Variants in PITPNC1 observed in about 807,000 individuals in gnomAD.
PITPNC1 encodes phosphatidylinositol transfer protein cytoplasmic 1, also known as cytoplasmic phosphatidylinositol transfer protein 1.
PITPNC1 carries 18 observed loss-of-function variants against 44.7 expected under a neutral mutation model. That is an observed-to-expected ratio of 0.40 (90% CI 0.28 to 0.60). The LOEUF is 0.60. Among genes scored for constraint, PITPNC1 ranks in the 20% least tolerant of loss-of-function variants. The pLI is 0.39. For synonymous variants in PITPNC1, 141 were observed against 149.6 expected, an observed-to-expected ratio of 0.94 and a Z score of 0.42; for missense variants, 290 against 418.4, an observed-to-expected ratio of 0.69 and a Z score of 2.68.
chr17:67,378,356 G>A (rs1159429888), intron 1 of PITPNC1, among the ~76,000 whole-genome samples, 154 bp downstream of exon 1: 2 of 152,136 alleles, frequency 1.3e-5, no homozygotes, highest in East Asian at 1.9e-4. Context: ...GGGGATTTGC[G>A]GCTTCCACTT....
chr17:67,523,699 G>A (rs116731391), intron 1 of PITPNC1, among the ~76,000 whole-genome samples: 3 of 151,312 alleles, frequency 2.0e-5, no homozygotes, highest in South Asian at 2.1e-4. Context: ...CAATTATCAC[G>A]TCTCTGGAGG....
intron 2 of PITPNC1, among the ~76,000 whole-genome samples, chr17:67,534,447 G>A (rs765992830): frequency 7.9e-5 from 12 of 152,014 alleles, no homozygotes; most frequent in Non-Finnish European, 1.5e-4. Flanking sequence ...AAACCAGCCT[G>A]GGTAACATGG....
intron 1 of PITPNC1, among the ~76,000 whole-genome samples, chr17:67,391,007 A>G (rs952484125): frequency 6.6e-6 from 1 of 152,074 alleles, no homozygotes; most frequent in Non-Finnish European, 1.5e-5. Context: ...TCATGTATCT[A>G]AACATGTAGC....
chr17:67,419,033 G>T (rs916858044), intron 1 of PITPNC1, among the ~76,000 whole-genome samples: 4 of 152,168 alleles, frequency 2.6e-5, no homozygotes, highest in Admixed American at 6.5e-5. Context: ...GCTACCACTG[G>T]TTACTTTTAT....
At chr17:67,637,985 T>C (rs904984087) in intron 6 of PITPNC1, 1 of 151,798 alleles carries the variant, frequency 6.6e-6, no homozygotes, top group African/African-American at 2.4e-5. Context: ...GTTTGCACCA[T>C]GTCACATGTA....
At chr17:67,578,968 C>T (rs183091825) in intron 5 of PITPNC1, among the ~76,000 whole-genome samples, 8 of 152,130 alleles carry the variant, frequency 5.3e-5, no homozygotes, top group Admixed American at 2.0e-4. Flanking sequence ...GGCCACAGAG[C>T]GAGACTCCAT....
intron 1 of PITPNC1, among the ~76,000 whole-genome samples, chr17:67,460,590 T>A (rs999667868): frequency 2.2e-4 from 34 of 151,820 alleles, no homozygotes; most frequent in African/African-American, 7.5e-4. Flanking sequence ...AATTTTTGTA[T>A]TTTTAGTAGA....
chr17:67,543,016 G>A (rs2040629947), intron 2 of PITPNC1, among the ~76,000 whole-genome samples: 2 of 152,176 alleles, frequency 1.3e-5, no homozygotes, highest in Non-Finnish European at 2.9e-5. Flanking sequence ...TGGCAGACAG[G>A]CCAAAAAGGA....
At chr17:67,613,266 T>G (rs938829228) in intron 5 of PITPNC1, 11 of 152,148 alleles carry the variant, frequency 7.2e-5, no homozygotes, top group Non-Finnish European at 1.6e-4. Context: ...GAAAACAAAC[T>G]TAAACCTTAC....
At chr17:67,460,315 A>G (rs1330119060) in intron 1 of PITPNC1, among the ~76,000 whole-genome samples, 7 of 152,150 alleles carry the variant, frequency 4.6e-5, no homozygotes, top group Non-Finnish European at 1.0e-4. Context: ...TTTAGCCTTC[A>G]ACTGTGTTCC....
intron 1 of PITPNC1, among the ~76,000 whole-genome samples, chr17:67,392,388 TAGTCA>T (rs2038151308): frequency 6.6e-6 from 1 of 152,162 alleles, no homozygotes; most frequent in South Asian, 2.1e-4. Flanking sequence ...TATTCTTTTA[TAGTCA>T]CACTGCATGT....
intron 4 of PITPNC1, among the ~76,000 whole-genome samples, chr17:67,555,850 A>G (rs142517233): frequency 6.6e-6 from 1 of 152,242 alleles, no homozygotes; most frequent in East Asian, 1.9e-4. Flanking sequence ...TCTCAAAAAT[A>G]AAAAATTAAA....
chr17:67,380,861 T>C (rs1445673499), intron 1 of PITPNC1, among the ~76,000 whole-genome samples: 2 of 151,768 alleles, frequency 1.3e-5, no homozygotes, highest in Non-Finnish European at 2.9e-5. Flanking sequence ...GCAGCCTCCA[T>C]CTCCTGGGCT....
chr17:67,501,782 A>G (rs1314490219), intron 1 of PITPNC1, among the ~76,000 whole-genome samples: 2 of 152,108 alleles, frequency 1.3e-5, no homozygotes, highest in Admixed American at 6.6e-5. Context: ...GCAGTGAGCC[A>G]AGACTGTGCC....
chr17:67,415,807 G>A (rs1458693551), intron 1 of PITPNC1, among the ~76,000 whole-genome samples: 1 of 151,776 alleles, frequency 6.6e-6, no homozygotes, highest in Non-Finnish European at 1.5e-5. Flanking sequence ...CTTTCGTCTA[G>A]ATGATTTGGT....
intron 6 of PITPNC1, among the ~76,000 whole-genome samples, chr17:67,647,463 GGT>G (rs1567757494): frequency 1.1e-5 from 1 of 90,598 alleles, no homozygotes; most frequent in African/African-American, 5.0e-5. Flanking sequence ...GCTAATTTTG[GGT>G]TTTTTTTTTT....
At chr17:67,406,963 A>G (rs1598623885) in intron 1 of PITPNC1, among the ~76,000 whole-genome samples, 1 of 152,236 alleles carries the variant, frequency 6.6e-6, no homozygotes, top group South Asian at 2.1e-4. Context: ...GTTTTTGGCT[A>G]TTATGAACAT....
At chr17:67,382,894 G>C (rs2037985139) in intron 1 of PITPNC1, among the ~76,000 whole-genome samples, 1 of 151,930 alleles carries the variant, frequency 6.6e-6, no homozygotes. Flanking sequence ...CCAAAGTGCT[G>C]GGATTACAGG....
rs561117555 is a variant in PITPNC1 at position 67,396,092 on chromosome 17, T to A, written c.48+17890T>A. ...ACTTATAGTACTGCAGATATGGGCA[T>A]ACTTTGAGATTTTTCTTTTTGCCAA... On this transcript the variant is annotated intron_variant, in intron 1 of 8. Transcript: ENST00000581322. Among the ~76,000 whole-genome samples the A allele has an allele frequency of 2.6e-5, 4 of 152,310 alleles. No individual in the cohort carries two copies. In the South Asian group the frequency reaches 8.3e-4, roughly 32 times the overall value.
Sources: gnomAD v4.1 joint callset for allele counts (sites outside exome capture counted in the v4.1 genomes callset) on GRCh38, gnomAD v4.1.1 for gene constraint, MANE v1.5 for transcripts, NCBI Gene and HGNC (gene_info 2026-07-23, HGNC 2026-07-21) for gene names.